CDH2: variants seen among roughly 807,000 people sequenced by gnomAD.
CDH2 encodes the protein cadherin-2.
Under a neutral mutation model 92.0 loss-of-function variants are expected in CDH2, and 17 were observed. That is an observed-to-expected ratio of 0.18 (90% CI 0.13 to 0.28). The LOEUF (loss-of-function observed/expected upper bound fraction) is 0.28, where lower values mean the gene tolerates loss of function less well. Among genes scored for constraint, CDH2 ranks in the 10% least tolerant of loss-of-function variants. CDH2 has a pLI of 1.00. For missense variants in CDH2, 862 were observed against 1,133.1 expected, an observed-to-expected ratio of 0.76 and a Z score of 3.44; for synonymous variants, 419 against 415.9, an observed-to-expected ratio of 1.01 and a Z score of -0.09.
chr18:27,956,406 C>T (rs542862378), intron 15 of CDH2, among the ~76,000 whole-genome samples: 2 of 152,250 alleles, frequency 1.3e-5, no homozygotes, highest in South Asian at 4.2e-4. Context: ...CTTCTGATCC[C>T]AGGCTTTATG....
intron 1 of CDH2, among the ~76,000 whole-genome samples, chr18:28,171,222 C>G (rs912316824): frequency 1.7e-4 from 21 of 122,910 alleles, no homozygotes; most frequent in African/African-American, 5.9e-4. Flanking sequence ...GCGAGACTGT[C>G]TTTAAAAAAA....
intron 2 of CDH2, among the ~76,000 whole-genome samples, chr18:28,037,576 A>G (rs1371578055): frequency 6.6e-6 from 1 of 152,194 alleles, no homozygotes; most frequent in Non-Finnish European, 1.5e-5. Flanking sequence ...AGCGAGTTCC[A>G]GTAAGTTGCA....
chr18:28,121,863 C>T (rs992599301), intron 2 of CDH2, among the ~76,000 whole-genome samples: 1 of 151,930 alleles, frequency 6.6e-6, no homozygotes, highest in African/African-American at 2.4e-5. Context: ...GTGAGCAGGG[C>T]AGAATGGGAC....
intron 2 of CDH2, among the ~76,000 whole-genome samples, chr18:28,130,821 A>T (rs957770259): frequency 2.0e-5 from 3 of 152,208 alleles, no homozygotes; most frequent in African/African-American, 7.2e-5. Context: ...AGTGGTCTAG[A>T]GTAGTAAAAT....
Sources: allele counts gnomAD v4.1 joint callset (sites outside exome capture counted in the v4.1 genomes callset), GRCh38; gene constraint gnomAD v4.1.1; transcripts MANE v1.5; gene names NCBI Gene and HGNC (gene_info 2026-07-23, HGNC 2026-07-21).